HCK: variants seen among roughly 807,000 people sequenced by gnomAD.
HCK encodes tyrosine-protein kinase HCK.
In HCK, 40 loss-of-function variants were observed where a neutral mutation model predicts 70.4. The ratio of observed to expected loss-of-function variants is 0.57; its 90% CI spans 0.44 to 0.74. HCK has a LOEUF of 0.74. Among genes scored for constraint, HCK ranks in the 30% least tolerant of loss-of-function variants. The pLI, the probability that HCK is intolerant of heterozygous loss-of-function variation, is 0.00. For missense variants in HCK, 568 were observed against 697.2 expected (o/e 0.81, Z 2.09); for synonymous variants, 245 against 263.2 (o/e 0.93, Z 0.67).
At chr20:32,086,210 G>A (rs375681715) in intron 8 of HCK, among the ~76,000 whole-genome samples, 15 of 152,106 alleles carry the variant, frequency 9.9e-5, no homozygotes, top group African/African-American at 3.1e-4. Flanking sequence ...TAGTAGAGAC[G>A]GGGTTTCACC....
chr20:32,092,114 T>C (rs1342066634), intron 10 of HCK, among the ~76,000 whole-genome samples: 1 of 151,830 alleles, frequency 6.6e-6, no homozygotes. Flanking sequence ...AGCCGGCCGG[T>C]GGTGCTTTGA....
chr20:32,099,833 C>T (rs2122259333), intron 12 of HCK, among the ~76,000 whole-genome samples: 1 of 152,230 alleles, frequency 6.6e-6, no homozygotes. Flanking sequence ...CCTCGTCCTA[C>T]AGCCTATTCT....
At chr20:32,090,346 A>C (rs758017555) in intron 10 of HCK, among the ~76,000 whole-genome samples, 33 of 152,208 alleles carry the variant, frequency 2.2e-4, no homozygotes, top group Admixed American at 4.6e-4. Flanking sequence ...AAAGGAGCCC[A>C]CCTGGGGCTT....
chr20:32,055,786 A>G (rs1178414744), intron 1 of HCK, among the ~76,000 whole-genome samples: 2 of 152,182 alleles, frequency 1.3e-5, no homozygotes, highest in African/African-American at 4.8e-5. Context: ...AAACATTTCC[A>G]TCACCCCTGA....
At chr20:32,083,872 G>GGTTT in intron 6 of HCK, 22 bp from the exon 7 acceptor site, 1 of 1,613,948 alleles carries the variant, frequency 6.2e-7, no homozygotes, top group Non-Finnish European at 8.5e-7. Context: ...CATTCTGAGG[G>GGTTT]GTTTCTCTTT....
At chr20:32,096,202 T>TA (rs935899183) in intron 11 of HCK, among the ~76,000 whole-genome samples, 1 of 151,618 alleles carries the variant, frequency 6.6e-6, no homozygotes, top group Non-Finnish European at 1.5e-5. Flanking sequence ...TTTATTTTTT[T>TA]AAAGAGACGG....
intron 6 of HCK, among the ~76,000 whole-genome samples, chr20:32,080,418 C>T (rs562632948): frequency 1.3e-5 from 2 of 152,196 alleles, no homozygotes; most frequent in African/African-American, 2.4e-5. Flanking sequence ...AGTATGGTCT[C>T]GATCTCCTGA....
In HCK at chr20:32,094,022, G is replaced by A; in HGVS notation, c.1246+6G>A. 1 of 1,610,530 alleles carries A rather than the reference G, an allele frequency of 6.2e-7. No individual in the cohort carries two copies. Among genetic ancestry groups the A allele is most frequent in the Non-Finnish European group, 8.5e-7 (1 of 1,178,656 alleles). On this transcript the variant is annotated splice_donor_region_variant and intron_variant, in intron 11 of 12. Transcript: ENST00000375852. Reference sequence around the variant, plus strand: ...CGAGTACACGGCTCGGGAAGGTAGGGAACGCTGCCAAGCAGCCCCACGTTG... The same window carrying A: ...CGAGTACACGGCTCGGGAAGGTAGGAAACGCTGCCAAGCAGCCCCACGTTG...
intron 1 of HCK, among the ~76,000 whole-genome samples, chr20:32,056,969 T>G (rs1033816868): frequency 6.6e-6 from 1 of 152,180 alleles, no homozygotes; most frequent in African/African-American, 2.4e-5. Context: ...GCCTGAGATA[T>G]TTCAGCTGCC....
At chr20:32,094,787 GAGAAAGAAAGAAAGAA>G (rs71185378) in intron 11 of HCK, among the ~76,000 whole-genome samples, 12,014 of 105,062 alleles carry the variant, frequency 0.11, 1,028 homozygotes, top group East Asian at 0.16. Context: ...GAGAGAGAAA[GAGAAAGAAAGAAAGAA>G]AGAAAGAAAG....
chr20:32,063,137 A>G (rs116591956), intron 1 of HCK, among the ~76,000 whole-genome samples: 1 of 152,190 alleles, frequency 6.6e-6, no homozygotes, highest in African/African-American at 2.4e-5. Flanking sequence ...CCATTTCCCT[A>G]TCTGAAAAAT....
intron 1 of HCK, among the ~76,000 whole-genome samples, chr20:32,054,003 T>G (rs1415221123): frequency 2.0e-5 from 3 of 152,084 alleles, no homozygotes; most frequent in Non-Finnish European, 4.4e-5. Flanking sequence ...GGTCCTTTTT[T>G]TTTTAGGGGA....
At chr20:32,079,720 C>T (rs545348257) in intron 5 of HCK, 54 bp from the exon 6 acceptor site, 154 of 1,239,372 alleles carry the variant, frequency 1.2e-4, no homozygotes, top group South Asian at 1.1e-3. Flanking sequence ...CTGTGTAGGC[C>T]GGACAGGACT....
Position 32,101,298 on chromosome 20 carries a change from T to A in HCK, c.1379-19T>A. ...ATTTCCCAACTGCTTCCGTTTCTAA[T>A]TCCACGGCTCCTTTTCAGGGATGTC... On this transcript the variant is annotated intron_variant, in intron 12 of 12. Transcript: ENST00000375852. 1 of 1,611,520 alleles carries A rather than the reference T, an allele frequency of 6.2e-7. No individual in the cohort carries two copies. The highest frequency in any genetic ancestry group is 1.1e-5 in the South Asian group (1 of 90,638).
At chr20:32,080,931 T>A (rs984831433) in intron 6 of HCK, among the ~76,000 whole-genome samples, 2 of 151,048 alleles carry the variant, frequency 1.3e-5, no homozygotes, top group Admixed American at 6.6e-5. Flanking sequence ...GTATGAAAAA[T>A]TTTAAAAATT....
At position 32,094,249 on chromosome 20, in the gene HCK, T is replaced by C. The variant is rs533095544; in HGVS notation, c.1246+233T>C. On this transcript the variant is annotated intron_variant, in intron 11 of 12. Coordinates refer to ENST00000375852, the MANE Select transcript of HCK (RefSeq NM_002110.5). Reference sequence around the variant, plus strand: ...AAGTACTGATAGATTTTAGAGGGAGTGGGCAAATATATGTCGAAATTAAGG... The same window carrying C: ...AAGTACTGATAGATTTTAGAGGGAGCGGGCAAATATATGTCGAAATTAAGG... Among the ~76,000 whole-genome samples the C allele has an allele frequency of 2.0e-5, 3 of 152,018 alleles. No individual in the cohort carries two copies. In the South Asian group the frequency reaches 6.2e-4, roughly 32 times the overall value.
intron 11 of HCK, among the ~76,000 whole-genome samples, chr20:32,094,751 A>AAGAAAGAAAGAAAGAAAGAAAGAGAGAG (rs1555877786): frequency 2.3e-5 from 2 of 87,920 alleles, no homozygotes; most frequent in African/African-American, 1.1e-4. Flanking sequence ...GAAAGAAAGA[A>AAGAAAGAAAGAAAGAAAGAAAGAGAGAG]AGAAAGAAAG....
Position 32,101,363 on chromosome 20 carries a change from G to T in HCK, c.1425G>T (p.Arg475=), listed in dbSNP as rs2046031055. The T allele has an allele frequency of 6.2e-7, 1 of 1,614,214 alleles. No individual in the cohort carries two copies. The highest frequency in any genetic ancestry group is 1.3e-5 in the African/African-American group (1 of 75,062). The change falls in exon 13 of 13, where the codon CGG becomes CGT. Residue 475 remains arginine, a synonymous_variant. Transcript: ENST00000375852. ...TCCGAGCTCTGGAGCGTGGATACCGGATGCCTCGCCCAGAGAACTGCCCAG... is the reference window on the plus strand; with the variant it reads ...TCCGAGCTCTGGAGCGTGGATACCGTATGCCTCGCCCAGAGAACTGCCCAG...
chr20:32,058,530 C>CAAAA (rs11472244), intron 1 of HCK, among the ~76,000 whole-genome samples: 45 of 130,538 alleles, frequency 3.4e-4, no homozygotes, highest in African/African-American at 1.3e-3. Context: ...AAGACTCTGT[C>CAAAA]AAAAAAAAAA....
Sources: gnomAD v4.1 joint callset for allele counts (sites outside exome capture counted in the v4.1 genomes callset) on GRCh38, gnomAD v4.1.1 for gene constraint, MANE v1.5 for transcripts, NCBI Gene and HGNC (gene_info 2026-07-23, HGNC 2026-07-21) for gene names.